The following STK32B variants were observed in gnomAD, a reference collection of about 807,000 sequenced individuals.
STK32B encodes serine/threonine kinase 32B.
In STK32B, 43 loss-of-function variants were observed where a neutral mutation model predicts 52.6. The ratio of observed to expected loss-of-function variants is 0.82; its 90% CI spans 0.64 to 1.05. The LOEUF (loss-of-function observed/expected upper bound fraction) is 1.05. STK32B is among the 50% of genes least tolerant of loss of function. The pLI is 0.00. For synonymous variants in STK32B, 238 were observed against 204.3 expected, an observed-to-expected ratio of 1.17 and a Z score of -1.41; for missense variants, 621 against 534.6, an observed-to-expected ratio of 1.16 and a Z score of -1.59.
At position 5,134,217 on chromosome 4, in the gene STK32B, G is replaced by A. The variant is rs577247926; in HGVS notation, c.53-5688G>A. On this transcript the variant is annotated intron_variant, in intron 1 of 11. Coordinates refer to ENST00000282908, the MANE Select transcript of STK32B (RefSeq NM_018401.3). ...TCTTCCAATTTCTTGCGGTTTTAACGTGTTCCCCAAAGTTTATGTGTTGGA... is the reference window on the plus strand; with the variant it reads ...TCTTCCAATTTCTTGCGGTTTTAACATGTTCCCCAAAGTTTATGTGTTGGA... Among the ~76,000 whole-genome samples the A allele has an allele frequency of 2.5e-4, 38 of 152,286 alleles. 1 individual carries two copies. The South Asian group carries it at 7.3e-3, about 29-fold the overall frequency.
At chr4:5,212,502 G>A (rs563564613) in intron 3 of STK32B, among the ~76,000 whole-genome samples, 2 of 152,172 alleles carry the variant, frequency 1.3e-5, no homozygotes, top group African/African-American at 2.4e-5. Context: ...GAGATAAACC[G>A]CAGTCCCCAC....
intron 3 of STK32B, among the ~76,000 whole-genome samples, chr4:5,224,751 C>T (rs1033840673): frequency 4.6e-5 from 7 of 151,980 alleles, no homozygotes; most frequent in Non-Finnish European, 1.0e-4. Context: ...ATATTAATGA[C>T]AAATAATATA....
intron 3 of STK32B, among the ~76,000 whole-genome samples, chr4:5,244,897 T>G (rs1725326691): frequency 6.6e-6 from 1 of 152,230 alleles, no homozygotes; most frequent in Admixed American, 6.5e-5. Context: ...TTGAGTGAGT[T>G]TCTGAATCCT....
intron 1 of STK32B, among the ~76,000 whole-genome samples, chr4:5,106,324 C>A (rs116455761): frequency 6.6e-6 from 1 of 152,038 alleles, no homozygotes; most frequent in Non-Finnish European, 1.5e-5. Flanking sequence ...TCTTTTTAAT[C>A]GTAGAGGACA....
In STK32B at chr4:5,212,579, G is replaced by C. The variant is rs569940949; in HGVS notation, c.260+44129G>C. 3.0e-4 allele frequency among the ~76,000 whole-genome samples: 45 copies of C among 152,334 alleles called. No individual in the cohort carries two copies. In the Middle Eastern group the frequency reaches 0.014, roughly 46 times the overall value. ...AGCAAACTGGCACCTCGTGAAGTCA[G>C]AATGCCCTCCACATCCTGTGATTTC... On this transcript the variant is annotated intron_variant, in intron 3 of 11. Coordinates refer to ENST00000282908, the MANE Select transcript of STK32B (RefSeq NM_018401.3).
intron 1 of STK32B, among the ~76,000 whole-genome samples, chr4:5,124,845 T>A (rs768292972): frequency 6.6e-6 from 1 of 152,248 alleles, no homozygotes. Flanking sequence ...GGAGGCAGAA[T>A]GTTAAGATGG....
At chr4:5,385,770 G>A (rs1274175720) in intron 4 of STK32B, among the ~76,000 whole-genome samples, 2 of 151,910 alleles carry the variant, frequency 1.3e-5, no homozygotes, top group African/African-American at 4.8e-5. Context: ...ACCTCTCCTG[G>A]CCTATGGCCC....
intron 3 of STK32B, among the ~76,000 whole-genome samples, chr4:5,288,946 C>T (rs1051842373): frequency 6.6e-6 from 1 of 152,284 alleles, no homozygotes; most frequent in East Asian, 1.9e-4. Context: ...GGTAAGAATT[C>T]ACCTTCATTC....
intron 2 of STK32B, among the ~76,000 whole-genome samples, chr4:5,149,841 G>C (rs1416862229): frequency 4.0e-5 from 6 of 151,754 alleles, no homozygotes; most frequent in African/African-American, 1.2e-4. Context: ...GAAAATCTAG[G>C]TTTCTCTCTG....
At chr4:5,184,356 T>A (rs1300331776) in intron 3 of STK32B, among the ~76,000 whole-genome samples, 2 of 152,078 alleles carry the variant, frequency 1.3e-5, no homozygotes, top group African/African-American at 4.8e-5. Flanking sequence ...TGCACAACAT[T>A]TATTGATTAC....
At position 5,370,656 on chromosome 4, in the gene STK32B, A is replaced by G. The variant is rs549155376; in HGVS notation, c.435-27551A>G. Among the ~76,000 whole-genome samples, 260 of 152,144 alleles carry G rather than the reference A, an allele frequency of 1.7e-3. 1 individual carries two copies. The highest frequency in any genetic ancestry group is 5.1e-3 in the African/African-American group (213 of 41,502). On this transcript the variant is annotated intron_variant, in intron 4 of 11. Coordinates refer to ENST00000282908, the MANE Select transcript of STK32B (RefSeq NM_018401.3). The stretch of plus-strand genomic sequence containing the variant: ...GCTATGTACTGGCCATGGGACCTCA[A>G]ATGAGGTTTTCACCTCATCTGTTAA...
chr4:5,491,081 A>T (rs988963914), intron 11 of STK32B, among the ~76,000 whole-genome samples: 1 of 152,220 alleles, frequency 6.6e-6, no homozygotes, highest in African/African-American at 2.4e-5. Context: ...TCCTTTGGGT[A>T]TATACCCAGT....
At chr4:5,249,925 A>G (rs1725793772) in intron 3 of STK32B, among the ~76,000 whole-genome samples, 1 of 152,144 alleles carries the variant, frequency 6.6e-6, no homozygotes, top group South Asian at 2.1e-4. Context: ...ACCCTCAAGG[A>G]GGCGCTGGTT....
At chr4:5,468,098 G>A (rs938946685) in intron 11 of STK32B, 28 bp downstream of exon 11, 1 of 1,611,820 alleles carries the variant, frequency 6.2e-7, no homozygotes, top group African/African-American at 1.3e-5. Context: ...TCCCCCTTGG[G>A]CAAAGCCTGT....
chr4:5,498,793 A>G, intron 11 of STK32B, 152 bp from the exon 12 acceptor site: 1 of 1,176,868 alleles, frequency 8.5e-7, no homozygotes, highest in South Asian at 2.2e-5. Flanking sequence ...TACAGTGCAC[A>G]GCACCGTGGA....
chr4:5,421,071 TG>T (rs1343097902), intron 6 of STK32B, among the ~76,000 whole-genome samples: 1 of 90,446 alleles, frequency 1.1e-5, no homozygotes, highest in Non-Finnish European at 2.2e-5. Context: ...GGCTAATTTT[TG>T]TATCTTGTTT....
chr4:5,456,569 C>T (rs1716537917), intron 7 of STK32B, among the ~76,000 whole-genome samples: 1 of 152,196 alleles, frequency 6.6e-6, no homozygotes, highest in Admixed American at 6.5e-5. Flanking sequence ...CGGTGAGCCA[C>T]CCCTAACATG....
At chr4:5,458,813 C>T (rs1215043014) in intron 8 of STK32B, 1 of 152,224 alleles carries the variant, frequency 6.6e-6, no homozygotes, top group Admixed American at 6.5e-5. Flanking sequence ...CCTAGCCAGC[C>T]AGATTAGCCG....
At chr4:5,456,318 C>A (rs1011437097) in intron 7 of STK32B, among the ~76,000 whole-genome samples, 11 of 152,254 alleles carry the variant, frequency 7.2e-5, no homozygotes, top group African/African-American at 2.7e-4. Context: ...GTCCTCCCAT[C>A]CCTCAGCCCA....
Sources: allele counts gnomAD v4.1 joint callset (sites outside exome capture counted in the v4.1 genomes callset), GRCh38; gene constraint gnomAD v4.1.1; transcripts MANE v1.5; gene names NCBI Gene and HGNC (gene_info 2026-07-23, HGNC 2026-07-21).